The following CALD1 variants were observed in gnomAD, a reference collection of about 807,000 sequenced individuals.
The protein encoded by CALD1 is caldesmon 1.
CALD1 carries 33 observed loss-of-function variants against 99.9 expected under a neutral mutation model. That is an observed-to-expected ratio of 0.33 (90% CI 0.25 to 0.44). The LOEUF is 0.44. Among genes scored for constraint, CALD1 ranks in the 20% least tolerant of loss-of-function variants. CALD1 has a pLI of 1.00. For missense variants in CALD1, 861 were observed against 962.1 expected (o/e 0.89, Z 1.39); for synonymous variants, 310 against 325.0 (o/e 0.95, Z 0.50).
intron 3 of CALD1, among the ~76,000 whole-genome samples, chr7:134,874,764 G>A (rs1801269136): frequency 6.6e-6 from 1 of 152,178 alleles, no homozygotes; most frequent in African/African-American, 2.4e-5. Context: ...ATGGGCTTCT[G>A]AAATGGCTTG....
chr7:134,944,956 G>GTATC (rs1430735570), intron 7 of CALD1, among the ~76,000 whole-genome samples: 6 of 152,116 alleles, frequency 3.9e-5, no homozygotes, highest in African/African-American at 7.2e-5. Context: ...TGTTCTAACT[G>GTATC]TATCATACAG....
At chr7:134,947,913 T>C in intron 8 of CALD1, 144 bp downstream of exon 8, 1 of 983,416 alleles carries the variant, frequency 1.0e-6, no homozygotes, top group Non-Finnish European at 1.5e-6. Context: ...TTATAACTTG[T>C]AGATGTATTA....
chr7:134,940,256 G>C (rs1375552728), intron 6 of CALD1, among the ~76,000 whole-genome samples: 1 of 152,264 alleles, frequency 6.6e-6, no homozygotes, highest in East Asian at 1.9e-4. Flanking sequence ...CCCACAAAAA[G>C]CTATGTAAAT....
intron 1 of CALD1, among the ~76,000 whole-genome samples, chr7:134,825,434 G>A (rs922321425): frequency 3.9e-5 from 6 of 152,068 alleles, no homozygotes; most frequent in African/African-American, 7.2e-5. Context: ...AGTGATTAGG[G>A]TAATTTAAGG....
intron 3 of CALD1, among the ~76,000 whole-genome samples, chr7:134,918,041 T>G (rs941796756): frequency 1.3e-5 from 2 of 152,200 alleles, no homozygotes; most frequent in Non-Finnish European, 2.9e-5. Context: ...GTGGGGTAGA[T>G]GGGGTGGTGC....
At chr7:134,829,580 T>G (rs1043477853) in intron 1 of CALD1, among the ~76,000 whole-genome samples, 1 of 152,146 alleles carries the variant, frequency 6.6e-6, no homozygotes, top group African/African-American at 2.4e-5. Flanking sequence ...CTTGTGTGAC[T>G]GGATCACAAA....
intron 2 of CALD1, chr7:134,844,255 G>A (rs1799764921): frequency 6.6e-6 from 1 of 151,698 alleles, no homozygotes; most frequent in Non-Finnish European, 1.5e-5. Flanking sequence ...AAACAGTCCT[G>A]GATCAATCAT....
At chr7:134,892,105 GC>G (rs1802242063) in intron 3 of CALD1, among the ~76,000 whole-genome samples, 1 of 152,154 alleles carries the variant, frequency 6.6e-6, no homozygotes, top group East Asian at 1.9e-4. Context: ...AGAGTAAACA[GC>G]CAAAGCCCTC....
upstream of CALD1, among the ~76,000 whole-genome samples, chr7:134,775,229 G>A (rs1796908116): frequency 6.6e-6 from 1 of 151,808 alleles, no homozygotes; most frequent in Admixed American, 6.6e-5. Flanking sequence ...ATATATGCTG[G>A]GGTCTATTTC....
chr7:134,781,016 G>T (rs1001963026), intron 1 of CALD1, among the ~76,000 whole-genome samples: 1 of 152,156 alleles, frequency 6.6e-6, no homozygotes, highest in East Asian at 1.9e-4. Flanking sequence ...TTTGTATTTA[G>T]AAGTTTGGGG....
At chr7:134,735,563 CTCTGTGTGTGTGTGTGTG>C in the CALD1 span, among the ~76,000 whole-genome samples, 67 of 138,206 alleles carry the variant, frequency 4.8e-4, no homozygotes, top group Middle Eastern at 3.6e-3. Flanking sequence ...CCCCACTACC[CTCTGTGTGTGTGTGTGTG>C]TGTGTGTGTG....
chr7:134,943,335 A>G (rs1475519483), intron 7 of CALD1, among the ~76,000 whole-genome samples: 2 of 152,112 alleles, frequency 1.3e-5, no homozygotes, highest in African/African-American at 4.8e-5. Context: ...AACTTTATGG[A>G]ACGATTTCCA....
chr7:134,910,861 C>T (rs139274204), intron 3 of CALD1, among the ~76,000 whole-genome samples: 80 of 152,074 alleles, frequency 5.3e-4, no homozygotes, highest in Admixed American at 1.6e-3. Flanking sequence ...CATATAGTTG[C>T]AACATAATGC....
chr7:134,718,623 C>T, the CALD1 span, among the ~76,000 whole-genome samples: 3 of 152,204 alleles, frequency 2.0e-5, no homozygotes, highest in African/African-American at 7.2e-5. Flanking sequence ...GCTTGTTATG[C>T]ATTAAAAATG....
chr7:134,896,420 T>C (rs1017280949), intron 3 of CALD1, among the ~76,000 whole-genome samples: 5 of 152,334 alleles, frequency 3.3e-5, no homozygotes, highest in Middle Eastern at 3.4e-3. Context: ...TGGATAAAAT[T>C]GCTACTGCTG....
chr7:134,960,549 A>G lies in CALD1; in HGVS notation c.2216A>G (p.Lys739Arg), dbSNP rs1808185215. The change falls in exon 13 of 15, where the codon AAG (lysine) becomes AGG (arginine). Residue 739 changes from lysine (K) to arginine (R), a missense_variant. Transcript: ENST00000361675. Reference protein sequence around the residue: ...GTPNKETAGLKVGVSSRINEW... With the variant: ...GTPNKETAGLRVGVSSRINEW... ...CCTTTGTAGGAAACTGCTGGCTTGA[A>G]GGTAGGGGTTTCTAGCCGCATCAAT... 1 of 1,612,254 alleles carries G rather than the reference A, an allele frequency of 6.2e-7. No individual in the cohort carries two copies. The highest frequency in any genetic ancestry group is 1.3e-5 in the African/African-American group (1 of 74,910).
chr7:134,967,864 C>A (rs950763853), intron 14 of CALD1, among the ~76,000 whole-genome samples: 5 of 152,140 alleles, frequency 3.3e-5, no homozygotes, highest in Non-Finnish European at 7.3e-5. Flanking sequence ...TAAGATCCAG[C>A]CAGGCGCAGT....
chr7:134,810,648 CAT>C (rs1798317654), intron 1 of CALD1, among the ~76,000 whole-genome samples: 1 of 152,194 alleles, frequency 6.6e-6, no homozygotes, highest in Non-Finnish European at 1.5e-5. Flanking sequence ...TCTGCACCCA[CAT>C]GAGTGTGGGC....
At chr7:134,877,086 T>C (rs923276287) in intron 3 of CALD1, among the ~76,000 whole-genome samples, 23 of 152,204 alleles carry the variant, frequency 1.5e-4, no homozygotes, top group African/African-American at 5.5e-4. Flanking sequence ...ATAAAGCACT[T>C]AGTAGTCCCT....
Sources: gnomAD v4.1 joint callset for allele counts (sites outside exome capture counted in the v4.1 genomes callset) on GRCh38, gnomAD v4.1.1 for gene constraint, MANE v1.5 for transcripts, NCBI Gene and HGNC (gene_info 2026-07-23, HGNC 2026-07-21) for gene names.